Variants in PRKAG2 observed in about 807,000 individuals in gnomAD.
PRKAG2 encodes protein kinase AMP-activated non-catalytic subunit gamma 2.
PRKAG2 carries 26 observed loss-of-function variants against 69.6 expected under a neutral mutation model. The ratio of observed to expected loss-of-function variants is 0.37; its 90% CI spans 0.27 to 0.52. The LOEUF (loss-of-function observed/expected upper bound fraction) is 0.52, where lower values mean the gene tolerates loss of function less well. Among genes scored for constraint, PRKAG2 ranks in the 20% least tolerant of loss-of-function variants. The pLI is 0.90. For synonymous variants in PRKAG2, 293 were observed against 285.0 expected (o/e 1.03, Z -0.28); for missense variants, 557 against 740.0 (o/e 0.75, Z 2.87).
intron 3 of PRKAG2, among the ~76,000 whole-genome samples, chr7:151,726,746 G>A (rs909587956): frequency 5.3e-5 from 8 of 152,176 alleles, no homozygotes; most frequent in Admixed American, 2.6e-4. Context: ...CCAATCTTGA[G>A]GGGAAGTAGC....
intron 6 of PRKAG2, among the ~76,000 whole-genome samples, chr7:151,594,810 T>C (rs897761169): frequency 6.6e-6 from 1 of 152,086 alleles, no homozygotes. Context: ...TCTTTTTCTT[T>C]TTTTTTTGAG....
At chr7:151,599,013 G>A (rs575874860) in intron 5 of PRKAG2, among the ~76,000 whole-genome samples, 142 of 152,022 alleles carry the variant, frequency 9.3e-4, no homozygotes, top group Non-Finnish European at 4.1e-4. Context: ...CATCACACCT[G>A]GCTAATATTT....
At chr7:151,654,093 G>C (rs1356621596) in intron 4 of PRKAG2, among the ~76,000 whole-genome samples, 2 of 150,952 alleles carry the variant, frequency 1.3e-5, no homozygotes, top group East Asian at 2.0e-4. Flanking sequence ...ATAGATGCTG[G>C]GGTTTTCTTT....
At chr7:151,718,825 C>G (rs993312702) in intron 3 of PRKAG2, among the ~76,000 whole-genome samples, 1 of 151,992 alleles carries the variant, frequency 6.6e-6, no homozygotes, top group African/African-American at 2.4e-5. Context: ...TCATTCTTGT[C>G]CACCAAACCA....
intron 1 of PRKAG2, among the ~76,000 whole-genome samples, chr7:151,804,463 GA>G (rs1234828125): frequency 1.3e-5 from 2 of 152,112 alleles, no homozygotes; most frequent in African/African-American, 4.8e-5. Flanking sequence ...CAGCATGGGG[GA>G]AACCACCCCC....
At chr7:151,872,764 T>C (rs1442194814) in intron 1 of PRKAG2, among the ~76,000 whole-genome samples, 2 of 152,210 alleles carry the variant, frequency 1.3e-5, no homozygotes, top group Non-Finnish European at 2.9e-5. Flanking sequence ...AGAGGATTCC[T>C]TCAGGTGGGG....
rs557952055 is a variant in PRKAG2 at position 151,638,104 on chromosome 7, CG to C, written c.685-5967del. On this transcript the variant is annotated intron_variant, in intron 4 of 15. Transcript: ENST00000287878. The surrounding 1 kb of genome is among the most constrained non-coding windows in gnomAD (Gnocchi z 4.3). Reference sequence around the variant, plus strand: ...CCCAAACCCTCCTGATAATCCAGACCGATCTCCCCAGGGAGAACAAAATGGG... The same window carrying C: ...CCCAAACCCTCCTGATAATCCAGACCATCTCCCCAGGGAGAACAAAATGGG... 1.8e-3 allele frequency among the ~76,000 whole-genome samples: 268 copies of C among 152,238 alleles called. 3 individuals carry two copies. The highest frequency in any genetic ancestry group is 6.1e-3 in the African/African-American group (254 of 41,514).
chr7:151,618,207 C>T (rs577684450), intron 5 of PRKAG2, among the ~76,000 whole-genome samples: 1 of 152,094 alleles, frequency 6.6e-6, no homozygotes, highest in Non-Finnish European at 1.5e-5. Context: ...AATTCCAACA[C>T]TTTGGGAGGC....
chr7:151,837,063 C>T lies in PRKAG2; in HGVS notation c.114+39444G>A, dbSNP rs569298396. ...GCGCTGCGAGGAAAACAAAGCCACA[C>T]CACACCGTGCACAGCCGTCTTCACA... On this transcript the variant is annotated intron_variant, in intron 1 of 15. Coordinates refer to ENST00000287878, the MANE Select transcript of PRKAG2 (RefSeq NM_016203.4). 2.0e-3 allele frequency among the ~76,000 whole-genome samples: 309 copies of T among 152,338 alleles called. 1 individual carries two copies. Among genetic ancestry groups the T allele is most frequent in the African/African-American group, 7.2e-3 (301 of 41,580 alleles).
At chr7:151,611,707 T>TG (rs1441389162) in intron 5 of PRKAG2, among the ~76,000 whole-genome samples, 2 of 152,018 alleles carry the variant, frequency 1.3e-5, no homozygotes, top group African/African-American at 4.8e-5. Context: ...CGCACTTACG[T>TG]GGGGTGGTCC....
chr7:151,782,549 CAG>C (rs924733825), intron 2 of PRKAG2, among the ~76,000 whole-genome samples: 1 of 152,204 alleles, frequency 6.6e-6, no homozygotes, highest in Non-Finnish European at 1.5e-5. Context: ...AGCCAAGGCA[CAG>C]AGCTCATAGC....
At chr7:151,742,924 C>T (rs773986444) in intron 3 of PRKAG2, among the ~76,000 whole-genome samples, 14 of 152,316 alleles carry the variant, frequency 9.2e-5, no homozygotes, top group African/African-American at 2.6e-4. Flanking sequence ...AACGCTGATG[C>T]GTTGGGAGAG....
intron 3 of PRKAG2, among the ~76,000 whole-genome samples, chr7:151,696,477 C>G (rs560398518): frequency 1.3e-5 from 2 of 152,222 alleles, no homozygotes; most frequent in Non-Finnish European, 2.9e-5. Context: ...AGAGCCAGGT[C>G]GTCTCTGCAG....
chr7:151,698,347 C>A (rs561231332), intron 3 of PRKAG2, among the ~76,000 whole-genome samples: 1 of 152,294 alleles, frequency 6.6e-6, no homozygotes, highest in Admixed American at 6.5e-5. Flanking sequence ...CCCACCCCCT[C>A]GCCTGTGCTT....
chr7:151,653,344 A>G (rs1418129993), intron 4 of PRKAG2, among the ~76,000 whole-genome samples: 1 of 152,226 alleles, frequency 6.6e-6, no homozygotes, highest in Non-Finnish European at 1.5e-5. Context: ...GCTGATTAAT[A>G]TAGCTTCAGT....
rs375367151 is a variant in PRKAG2, at chr7:151,781,102, G to T, written c.466+50C>A. 3 of 1,609,600 alleles carry T rather than the reference G, an allele frequency of 1.9e-6. No homozygotes were observed. The highest frequency in any genetic ancestry group is 2.5e-6 in the Non-Finnish European group (3 of 1,177,794). On this transcript the variant is annotated intron_variant, in intron 3 of 15. Transcript: ENST00000287878. The surrounding 1 kb of genome is among the most constrained non-coding windows in gnomAD (Gnocchi z 6.1). ...ACCGTGGATGTGTGGCTGCAGAAGA[G>T]ACCCCCAGCACCCCAGCACCCACCT...
Position 151,807,272 on chromosome 7 carries a change from C to G in PRKAG2, c.115-20731G>C, listed in dbSNP as rs1249113701. 6 of 388,966 alleles carry G rather than the reference C, an allele frequency of 1.5e-5. No homozygotes were observed. The highest frequency in any genetic ancestry group is 2.1e-5 in the African/African-American group (1 of 48,052). 24.1% of individuals were successfully genotyped at this position (388,966 alleles called of 1,614,324 possible). The stretch of plus-strand genomic sequence containing the variant: ...CAAAAAGTGGCCAGTCAGCCACCAG[C>G]AGACCCATGGGATAGGGGAAGAAAA... On this transcript the variant is annotated intron_variant, in intron 1 of 15. Transcript: ENST00000287878. The surrounding 1 kb of genome is among the most constrained non-coding windows in gnomAD (Gnocchi z 4.4).
chr7:151,735,610 A>G (rs532149161), intron 3 of PRKAG2, among the ~76,000 whole-genome samples: 9 of 152,310 alleles, frequency 5.9e-5, no homozygotes, highest in African/African-American at 2.2e-4. Context: ...CCTGAGCCAC[A>G]GTTTTTGCAT....
chr7:151,612,963 C>T (rs940842937), intron 5 of PRKAG2, among the ~76,000 whole-genome samples: 4 of 152,146 alleles, frequency 2.6e-5, no homozygotes, highest in African/African-American at 4.8e-5. Flanking sequence ...GGAGTAACCA[C>T]CTGCCTCCTC....
Sources: allele counts gnomAD v4.1 joint callset (sites outside exome capture counted in the v4.1 genomes callset), GRCh38; gene constraint gnomAD v4.1.1; non-coding constraint Gnocchi (gnomAD v3.1); transcripts MANE v1.5; gene names NCBI Gene and HGNC (gene_info 2026-07-23, HGNC 2026-07-21).